The following RPSA2 variants were observed in gnomAD, a reference collection of about 807,000 sequenced individuals.
RPSA2 encodes the protein small ribosomal subunit protein uS2B.
chr19:23,828,147 TTA>T, the RPSA2 span: 1 of 680,730 alleles, frequency 1.5e-6, no homozygotes, highest in Non-Finnish European at 2.5e-6. Flanking sequence ...GCTGCAATAA[TTA>T]TGAGTCTATA....
chr19:23,784,868 CA>C, the RPSA2 span, among the ~76,000 whole-genome samples: 1 of 152,158 alleles, frequency 6.6e-6, no homozygotes, highest in Non-Finnish European at 1.5e-5. Context: ...TGACGGTCTG[CA>C]GAAGAAATTT....
the RPSA2 span, chr19:23,827,088 T>C: frequency 1.3e-6 from 1 of 744,674 alleles, no homozygotes; most frequent in South Asian, 1.5e-5. Context: ...CTGCAGCTTT[T>C]CCGCGCTACC....
chr19:23,780,472 T>A, the RPSA2 span, among the ~76,000 whole-genome samples: 5 of 151,976 alleles, frequency 3.3e-5, no homozygotes, highest in African/African-American at 7.3e-5. Flanking sequence ...TGAAACCCCA[T>A]CTGTACTAAA....
the RPSA2 span, among the ~76,000 whole-genome samples, chr19:23,852,140 T>C: frequency 6.6e-6 from 1 of 152,188 alleles, no homozygotes; most frequent in African/African-American, 2.4e-5. Flanking sequence ...AACTGGGCAG[T>C]TTGGATTCTT....
chr19:23,792,335 C>A, the RPSA2 span, among the ~76,000 whole-genome samples: 1 of 152,104 alleles, frequency 6.6e-6, no homozygotes, highest in African/African-American at 2.4e-5. Context: ...ATTTCCCAAC[C>A]TGATTATCCA....
the RPSA2 span, among the ~76,000 whole-genome samples, chr19:23,855,049 T>C: frequency 1.3e-5 from 2 of 151,976 alleles, no homozygotes; most frequent in African/African-American, 4.9e-5. Flanking sequence ...TGTGACTCTA[T>C]TTAACAGTAG....
chr19:23,870,532 A>AT, the RPSA2 span, among the ~76,000 whole-genome samples: 2 of 151,590 alleles, frequency 1.3e-5, no homozygotes, highest in South Asian at 2.1e-4. Context: ...TTACAAAAAA[A>AT]AGTTCTTGAT....
chr19:23,827,105 G>A, the RPSA2 span: 3 of 749,846 alleles, frequency 4.0e-6, no homozygotes, highest in Non-Finnish European at 7.0e-6. Context: ...TACCTGCAGA[G>A]GGGTCCATAC....
chr19:23,775,569 CACACCCAGCCA>C, the RPSA2 span, among the ~76,000 whole-genome samples: 2 of 152,178 alleles, frequency 1.3e-5, no homozygotes, highest in Non-Finnish European at 2.9e-5. Context: ...CACACTCATG[CACACCCAGCCA>C]ACAGTAAAGA....
the RPSA2 span, among the ~76,000 whole-genome samples, chr19:23,800,082 G>A: frequency 6.8e-6 from 1 of 146,578 alleles, no homozygotes; most frequent in African/African-American, 2.5e-5. Flanking sequence ...AGGCTGGAGT[G>A]CAGTGGTGTG....
chr19:23,860,944 A>C, the RPSA2 span, among the ~76,000 whole-genome samples: 1 of 152,156 alleles, frequency 6.6e-6, no homozygotes, highest in Non-Finnish European at 1.5e-5. Context: ...TGGTGACCCC[A>C]TCTCAAACAC....
At chr19:23,816,916 C>G in the RPSA2 span, among the ~76,000 whole-genome samples, 1 of 152,118 alleles carries the variant, frequency 6.6e-6, no homozygotes, top group Admixed American at 6.6e-5. Flanking sequence ...CACATCCCTC[C>G]CACAACATGT....
the RPSA2 span, among the ~76,000 whole-genome samples, chr19:23,789,962 G>A: frequency 2.6e-5 from 4 of 152,064 alleles, no homozygotes; most frequent in Admixed American, 6.6e-5. Context: ...ACAGGCATGA[G>A]CCACTGCGCC....
chr19:23,781,690 C>T, the RPSA2 span, among the ~76,000 whole-genome samples: 8 of 152,284 alleles, frequency 5.3e-5, no homozygotes, highest in South Asian at 4.1e-4. Context: ...CAAATCCAGT[C>T]CACCATTGAG....
chr19:23,768,140 A>C, the RPSA2 span, among the ~76,000 whole-genome samples: 2 of 152,070 alleles, frequency 1.3e-5, no homozygotes. Context: ...GTCAACGACT[A>C]TGAAAGGTAT....
At chr19:23,864,189 A>G in the RPSA2 span, among the ~76,000 whole-genome samples, 1 of 152,192 alleles carries the variant, frequency 6.6e-6, no homozygotes, top group Admixed American at 6.5e-5. Flanking sequence ...CATGCAAAGA[A>G]TGGGCATATT....
the RPSA2 span, among the ~76,000 whole-genome samples, chr19:23,849,077 G>T: frequency 6.6e-6 from 1 of 152,186 alleles, no homozygotes. Flanking sequence ...CACTTTTCCT[G>T]GAGTCAAAAT....
chr19:23,817,892 G>A, the RPSA2 span: 1 of 152,156 alleles, frequency 6.6e-6, no homozygotes, highest in African/African-American at 2.4e-5. Flanking sequence ...TTGTAACCTT[G>A]TCATGTTATC....
chr19:23,772,712 G>A, the RPSA2 span, among the ~76,000 whole-genome samples: 1 of 152,186 alleles, frequency 6.6e-6, no homozygotes, highest in East Asian at 1.9e-4. Context: ...CATGGAAAGA[G>A]CCCATTGCTG....
Sources: allele counts gnomAD v4.1 joint callset (sites outside exome capture counted in the v4.1 genomes callset), GRCh38; gene constraint gnomAD v4.1.1; transcripts MANE v1.5; gene names NCBI Gene and HGNC (gene_info 2026-07-23, HGNC 2026-07-21).